Variants in STRA6 observed in about 807,000 individuals in gnomAD.
STRA6 encodes the protein signaling receptor and transporter of retinol STRA6.
STRA6 carries 48 observed loss-of-function variants against 83.6 expected under a neutral mutation model. The observed-to-expected ratio is 0.57, with a 90% confidence interval of 0.46 to 0.73. STRA6 has a LOEUF of 0.73. Ranked by LOEUF, STRA6 falls within the 30% of genes least tolerant of loss-of-function variation. The pLI is 0.00. For synonymous variants in STRA6, 353 were observed against 362.3 expected, an observed-to-expected ratio of 0.97 and a Z score of 0.29; for missense variants, 760 against 838.8, an observed-to-expected ratio of 0.91 and a Z score of 1.16.
chr15:74,210,380 A>G (rs1342083539), upstream of STRA6, among the ~76,000 whole-genome samples: 1 of 152,254 alleles, frequency 6.6e-6, no homozygotes, highest in Non-Finnish European at 1.5e-5. Flanking sequence ...CTGACGTGGC[A>G]GAACCTCCAA....
chr15:74,182,178 G>T lies in STRA6; in HGVS notation c.1503C>A (p.His501Gln), dbSNP rs749666043. ...HWVFLETHDGHPQLTNRRVLY... is the reference protein window; with the variant it reads ...HWVFLETHDGQPQLTNRRVLY... ...CACCTCACCGGTTGGTCAGCTGTGGGTGTCCATCATGAGTCTCCAGGAAGA... is the reference window on the plus strand; with the variant it reads ...CACCTCACCGGTTGGTCAGCTGTGGTTGTCCATCATGAGTCTCCAGGAAGA... The change falls in exon 16 of 19, where the codon CAC becomes CAA. Residue 501 changes from histidine (H) to glutamine (Q), a missense_variant. Transcript: ENST00000395105. 4 of 1,614,148 alleles carry T rather than the reference G, an allele frequency of 2.5e-6. No homozygotes were observed. Among genetic ancestry groups the T allele is most frequent in the Non-Finnish European group, 2.5e-6 (3 of 1,179,982 alleles).
intron 8 of STRA6, among the ~76,000 whole-genome samples, chr15:74,192,361 G>A (rs2073590526): frequency 6.6e-6 from 1 of 152,154 alleles, no homozygotes; most frequent in African/African-American, 2.4e-5. Context: ...GAGGGGTGTT[G>A]GCCTCAATAG....
At chr15:74,199,514 G>A (rs1489812529) in intron 2 of STRA6, among the ~76,000 whole-genome samples, 2 of 152,142 alleles carry the variant, frequency 1.3e-5, no homozygotes, top group African/African-American at 2.4e-5. Context: ...ACTAGGTCCC[G>A]CTCCACCTTT....
At chr15:74,182,517 TC>T in intron 14 of STRA6, 57 bp from the exon 15 acceptor site, 1 of 1,429,948 alleles carries the variant, frequency 7.0e-7, no homozygotes, top group South Asian at 1.2e-5. Flanking sequence ...AAACTGGCCA[TC>T]CCCGCTGCCC....
intron 2 of STRA6, among the ~76,000 whole-genome samples, chr15:74,198,397 C>T (rs778305146): frequency 2.6e-5 from 4 of 152,182 alleles, no homozygotes; most frequent in Non-Finnish European, 5.9e-5. Context: ...AGGTGTGAGC[C>T]ACTGTGCCCG....
In STRA6 at chr15:74,190,656, A is replaced by G. The variant is rs351230; in HGVS notation, c.927+184T>C. On this transcript the variant is annotated intron_variant, in intron 11 of 18. Coordinates refer to ENST00000395105, the MANE Select transcript of STRA6 (RefSeq NM_022369.4). The stretch of plus-strand genomic sequence containing the variant: ...CAAAATTAATGCTCCGAGTCACTTC[A>G]TGAGTCCAAGAGTGAACACCCCGGC... Among the ~76,000 whole-genome samples the G allele has an allele frequency of 0.8, 122,016 of 152,070 alleles. 49,918 individuals are homozygous for G. The highest frequency in any genetic ancestry group is 0.9 in the Non-Finnish European group (61,186 of 68,002).
chr15:74,183,763 C>G, intron 14 of STRA6, 93 bp downstream of exon 14: 1 of 1,606,694 alleles, frequency 6.2e-7, no homozygotes, highest in Non-Finnish European at 8.5e-7. Flanking sequence ...ACTCTGAGGG[C>G]AGTACTTGCT....
Position 74,190,853 on chromosome 15 carries a change from G to C in STRA6, c.914C>G (p.Thr305Arg). The C allele has an allele frequency of 6.2e-7, 1 of 1,614,114 alleles. No individual in the cohort carries two copies. The highest frequency in any genetic ancestry group is 1.1e-5 in the South Asian group (1 of 91,068). The change falls in exon 11 of 19, where the codon ACG becomes AGG. Residue 305 changes from threonine to arginine, a missense_variant. Transcript: ENST00000395105. ...TGAGGGACATACCTGGTAAATGGCC[G>C]TCCCTGTCAGTGTAGCTGAAAGCAC... ...KLVLSATLTG[T>R]AIYQVALLLL...
At chr15:74,209,209 G>A (rs1055937263), upstream of STRA6, 4 of 1,047,294 alleles carry the variant, frequency 3.8e-6, no homozygotes, top group Admixed American at 2.4e-5. Flanking sequence ...TGTCTCCAGC[G>A]GTATAGCCTC....
intron 2 of STRA6, among the ~76,000 whole-genome samples, chr15:74,200,244 G>T (rs34591452): frequency 0.16 from 24,098 of 152,162 alleles, 2,491 homozygotes; most frequent in Non-Finnish European, 0.23. Flanking sequence ...ATAAAAGTTG[G>T]TTAGCATCTC....
chr15:74,179,755 C>G lies in STRA6; in HGVS notation c.*325G>C, dbSNP rs752381486. On this transcript the variant is annotated 3_prime_UTR_variant, in exon 19 of 19. Coordinates refer to ENST00000395105, the MANE Select transcript of STRA6 (RefSeq NM_022369.4). ...GGAGTGGTTCCAGAGAAGGCTTCAT[C>G]GAGGCCCTTCAAGGCTGATGGCAGA... is the stretch of plus-strand genomic sequence containing the variant. 1 of 289,400 alleles carries G rather than the reference C, an allele frequency of 3.5e-6. No homozygotes were observed. Among genetic ancestry groups the G allele is most frequent in the Non-Finnish European group, 6.6e-6 (1 of 151,568 alleles). The allele number at this position is 289,400 out of a possible 1,614,324, so 17.9% of individuals were successfully genotyped here.
chr15:74,211,534 C>A (rs1211982539), upstream of STRA6, among the ~76,000 whole-genome samples: 3 of 151,546 alleles, frequency 2.0e-5, no homozygotes, highest in Non-Finnish European at 4.4e-5. Flanking sequence ...CCGAGTAGCT[C>A]GGATTACAGG....
chr15:74,210,045 G>A (rs2074346380), upstream of STRA6, among the ~76,000 whole-genome samples: 1 of 152,188 alleles, frequency 6.6e-6, no homozygotes, highest in South Asian at 2.1e-4. Flanking sequence ...GGAGAGGCAG[G>A]GAGAGAGGGA....
chr15:74,181,225 G>A, intron 17 of STRA6, 70 bp downstream of exon 17: 2 of 1,590,540 alleles, frequency 1.3e-6, no homozygotes, highest in Non-Finnish European at 8.6e-7. Context: ...ACGGCCCTGG[G>A]GCAGGGCAGA....
rs1334430823 is a variant in STRA6, at chr15:74,181,368, G to A, written c.1611C>T (p.Ala537=). 6.2e-7 allele frequency: 1 copy of A among 1,613,838 alleles called. No individual in the cohort carries two copies. ...MVATWRVLLS[A]LYNAIHLGQM... ...GGCCAAGGTGGATGGCGTTGTAGAG[G>A]GCAGAGAGGAGCACTCGCCAGGTGG... Residue 537 remains alanine, a synonymous_variant, in exon 17 of 19, where the codon GCC becomes GCT. Transcript: ENST00000395105.
upstream of STRA6, chr15:74,203,181 G>A (rs1444970220): frequency 2.0e-6 from 2 of 985,058 alleles, no homozygotes; most frequent in Non-Finnish European, 2.4e-6. Context: ...TTTCCATGAA[G>A]GAGGCAACAT....
At chr15:74,206,205 C>T (rs559196266), upstream of STRA6, among the ~76,000 whole-genome samples, 11 of 152,308 alleles carry the variant, frequency 7.2e-5, no homozygotes, top group African/African-American at 2.4e-4. Context: ...CCATTGCCTC[C>T]CACCTGCCCC....
rs2073493410 is a variant in STRA6 at position 74,190,825 on chromosome 15, G to A, written c.927+15C>T. 5 of 1,614,070 alleles carry A rather than the reference G, an allele frequency of 3.1e-6. No individual in the cohort carries two copies. The East Asian group carries it at 8.9e-5, about 29-fold the overall frequency. ...GGCTCCAGAGGCAGATGGCAGTACA[G>A]GGTGAGGGACATACCTGGTAAATGG... On this transcript the variant is annotated intron_variant, in intron 11 of 18. Transcript: ENST00000395105.
rs1032896647 is a variant in STRA6 at position 74,193,707 on chromosome 15, T to C, written c.720+93A>G. The C allele has an allele frequency of 3.8e-5, 61 of 1,587,408 alleles. No individual in the cohort carries two copies. The African/African-American group carries it at 6.5e-4, about 17-fold the overall frequency. Reference sequence around the variant, plus strand: ...CATCTATTCTGTGCTGGGCCCTACATCAAGCACGGCCATGTATCTGGGACC... The same window carrying C: ...CATCTATTCTGTGCTGGGCCCTACACCAAGCACGGCCATGTATCTGGGACC... On this transcript the variant is annotated intron_variant, in intron 8 of 18. Transcript: ENST00000395105.
Sources: gnomAD v4.1 joint callset for allele counts (sites outside exome capture counted in the v4.1 genomes callset) on GRCh38, gnomAD v4.1.1 for gene constraint, MANE v1.5 for transcripts, NCBI Gene and HGNC (gene_info 2026-07-23, HGNC 2026-07-21) for gene names.